The following ZFHX3 variants were observed in gnomAD, a reference collection of about 807,000 sequenced individuals.
The protein encoded by ZFHX3 is zinc finger homeobox 3.
Under a neutral mutation model 279.1 loss-of-function variants are expected in ZFHX3, and 42 were observed. That is an observed-to-expected ratio of 0.15 (90% CI 0.12 to 0.19). The LOEUF is 0.19. Among genes scored for constraint, ZFHX3 ranks in the 10% least tolerant of loss-of-function variants. ZFHX3 has a pLI of 1.00. For missense variants in ZFHX3, 4,981 were observed against 4,754.0 expected (o/e 1.05, Z -1.40); for synonymous variants, 2,293 against 1,957.8 (o/e 1.17, Z -4.52).
chr16:73,626,610 G>A (rs2052419221), intron 2 of ZFHX3, among the ~76,000 whole-genome samples: 1 of 152,184 alleles, frequency 6.6e-6, no homozygotes, highest in African/African-American at 2.4e-5. Flanking sequence ...GGATCACCAA[G>A]GAGTGGTCTA....
chr16:73,586,706 T>C (rs2051930806), intron 2 of ZFHX3, among the ~76,000 whole-genome samples: 1 of 152,184 alleles, frequency 6.6e-6, no homozygotes, highest in Non-Finnish European at 1.5e-5. Context: ...ATTTATGTTA[T>C]TGGCAGATGA....
At chr16:73,797,944 T>C in intron 1 of ZFHX3, among the ~76,000 whole-genome samples, 1 of 151,530 alleles carries the variant, frequency 6.6e-6, no homozygotes. Context: ...CTCCCTGGGA[T>C]TACAGGCGCT....
chr16:73,361,635 C>T (rs1254230010), intron 3 of ZFHX3, among the ~76,000 whole-genome samples: 1 of 152,172 alleles, frequency 6.6e-6, no homozygotes, highest in Admixed American at 6.5e-5. Flanking sequence ...GCTGAAGTTC[C>T]ATCCCCAATC....
chr16:73,134,633 C>G (rs1966756957), intron 6 of ZFHX3: 1 of 152,050 alleles, frequency 6.6e-6, no homozygotes, highest in African/African-American at 2.4e-5. Flanking sequence ...CTGCACCTGG[C>G]TCCCTGTTAG....
At chr16:73,633,459 A>G (rs76514832) in intron 2 of ZFHX3, among the ~76,000 whole-genome samples, 2,633 of 152,218 alleles carry the variant, frequency 0.017, 67 homozygotes, top group African/African-American at 0.06. Context: ...TGATAAAACC[A>G]CCCTCAGGCC....
intron 5 of ZFHX3, among the ~76,000 whole-genome samples, chr16:73,225,460 C>T (rs961304919): frequency 2.0e-4 from 30 of 152,046 alleles, no homozygotes; most frequent in Admixed American, 1.6e-3. Flanking sequence ...TATGGTGGCA[C>T]ACACCCATGG....
chr16:73,198,625 T>A (rs1008732980), intron 5 of ZFHX3, among the ~76,000 whole-genome samples: 4 of 152,162 alleles, frequency 2.6e-5, no homozygotes, highest in African/African-American at 9.7e-5. Flanking sequence ...TTGGGTGACA[T>A]CTTTGTGGTT....
intron 2 of ZFHX3, among the ~76,000 whole-genome samples, chr16:73,587,011 T>C (rs1391109245): frequency 6.6e-6 from 1 of 152,298 alleles, no homozygotes; most frequent in East Asian, 1.9e-4. Context: ...AAAATATGAA[T>C]GTAAACACAC....
intron 4 of ZFHX3, among the ~76,000 whole-genome samples, chr16:73,274,016 C>T (rs180767626): frequency 1.3e-4 from 20 of 152,184 alleles, no homozygotes; most frequent in Admixed American, 6.5e-4. Flanking sequence ...TGGTGGTGCG[C>T]GCCTGTAATC....
At chr16:73,845,941 G>A (rs567938849) in intron 1 of ZFHX3, among the ~76,000 whole-genome samples, 10 of 152,126 alleles carry the variant, frequency 6.6e-5, no homozygotes, top group Non-Finnish European at 1.5e-4. Context: ...AGCCTCCTGA[G>A]TAGCTGAACA....
intron 1 of ZFHX3, among the ~76,000 whole-genome samples, chr16:73,725,538 T>TGAGTGA (rs1012638266): frequency 2.1e-5 from 3 of 141,644 alleles, no homozygotes; most frequent in African/African-American, 8.3e-5. Context: ...TGAGTGTGAG[T>TGAGTGA]GAGTGTGTGT....
intron 1 of ZFHX3, among the ~76,000 whole-genome samples, chr16:73,012,290 T>C (rs762078698): frequency 1.8e-4 from 27 of 152,216 alleles, no homozygotes; most frequent in Non-Finnish European, 3.2e-4. Context: ...AGTGCATGCA[T>C]AGGATGGAGC....
At chr16:73,070,915 TGCGCGCGCGCGCGC>T (rs1214080832) in intron 8 of ZFHX3, among the ~76,000 whole-genome samples, 10 of 90,616 alleles carry the variant, frequency 1.1e-4, no homozygotes, top group South Asian at 5.9e-4. Context: ...TAGACCGTCT[TGCGCGCGCGCGCGC>T]GCGCGCGCGC....
chr16:73,597,891 G>C (rs1382210946), intron 2 of ZFHX3, among the ~76,000 whole-genome samples: 4 of 152,212 alleles, frequency 2.6e-5, no homozygotes, highest in Non-Finnish European at 5.9e-5. Context: ...TATAGCCCTT[G>C]GGTGTGAAGA....
intron 4 of ZFHX3, among the ~76,000 whole-genome samples, chr16:72,877,434 C>T (rs937679972): frequency 2.0e-5 from 3 of 152,136 alleles, no homozygotes; most frequent in African/African-American, 4.8e-5. Context: ...ATAAACATCA[C>T]GGTCTTCTGT....
At chr16:73,416,606 G>T (rs993862986) in intron 3 of ZFHX3, among the ~76,000 whole-genome samples, 1 of 152,176 alleles carries the variant, frequency 6.6e-6, no homozygotes, top group African/African-American at 2.4e-5. Flanking sequence ...GGACGCGGTG[G>T]CTCACGCCTG....
At chr16:73,070,179 G>T (rs750282438) in intron 8 of ZFHX3, among the ~76,000 whole-genome samples, 28 of 152,160 alleles carry the variant, frequency 1.8e-4, no homozygotes, top group African/African-American at 4.1e-4. Flanking sequence ...GGGCACCAGG[G>T]TCACACACTG....
At chr16:72,899,009 C>G (rs2038968367) in intron 3 of ZFHX3, among the ~76,000 whole-genome samples, 1 of 152,152 alleles carries the variant, frequency 6.6e-6, no homozygotes, top group African/African-American at 2.4e-5. Flanking sequence ...TAACCTCAAA[C>G]TACTCTCCAG....
At chr16:73,257,235 T>C (rs1597247492) in intron 4 of ZFHX3, 1 of 152,242 alleles carries the variant, frequency 6.6e-6, no homozygotes, top group Non-Finnish European at 1.5e-5. Context: ...CACAAGCTGT[T>C]CTAGAGTCAA....
Sources: gnomAD v4.1 joint callset for allele counts (sites outside exome capture counted in the v4.1 genomes callset) on GRCh38, gnomAD v4.1.1 for gene constraint, MANE v1.5 for transcripts, NCBI Gene and HGNC (gene_info 2026-07-23, HGNC 2026-07-21) for gene names.